The following NRXN1 variants were observed in gnomAD, a reference collection of about 807,000 sequenced individuals.
NRXN1 encodes the protein neurexin 1.
Under a neutral mutation model 150.9 loss-of-function variants are expected in NRXN1, and 39 were observed. The ratio of observed to expected loss-of-function variants is 0.26; its 90% CI spans 0.20 to 0.34. The LOEUF is 0.34. Ranked by LOEUF, NRXN1 falls within the 10% of genes least tolerant of loss-of-function variation. The pLI, the probability that NRXN1 is intolerant of heterozygous loss-of-function variation, is 1.00. For synonymous variants in NRXN1, 924 were observed against 757.0 expected (o/e 1.22, Z -3.62); for missense variants, 1,815 against 1,949.9 (o/e 0.93, Z 1.30).
intron 21 of NRXN1, among the ~76,000 whole-genome samples, chr2:50,044,136 T>A (rs1691444050): frequency 6.6e-6 from 1 of 152,204 alleles, no homozygotes; most frequent in Admixed American, 6.5e-5. Flanking sequence ...CAAACATGAT[T>A]TTAAAGTTCT....
chr2:50,355,628 C>A (rs946839165), intron 17 of NRXN1, among the ~76,000 whole-genome samples: 2 of 152,068 alleles, frequency 1.3e-5, no homozygotes, highest in African/African-American at 2.4e-5. Context: ...CTACTTCCTT[C>A]GTCTCTTAGT....
chr2:49,934,388 G>A lies in NRXN1; in HGVS notation c.4216+9316C>T, dbSNP rs1045317163. On this transcript the variant is annotated intron_variant, in intron 22 of 22. Coordinates refer to ENST00000401669, the MANE Select transcript of NRXN1 (RefSeq NM_001330078.2). ...CACCCACCCCTCCACCAGGGTGCCC[G>A]CACAGCATCTATATAAACCTGAGTC... 9.9e-5 allele frequency among the ~76,000 whole-genome samples: 15 copies of A among 152,158 alleles called. No homozygotes were observed. The East Asian group carries it at 1.7e-3, about 18-fold the overall frequency.
chr2:50,326,195 T>C (rs376808720), intron 17 of NRXN1, among the ~76,000 whole-genome samples: 132 of 152,254 alleles, frequency 8.7e-4, no homozygotes, highest in African/African-American at 2.6e-3. Flanking sequence ...ATTTAACACA[T>C]GGATTAATGT....
intron 17 of NRXN1, among the ~76,000 whole-genome samples, chr2:50,268,754 A>AATC (rs1240453455): frequency 6.6e-6 from 1 of 152,176 alleles, no homozygotes; most frequent in Non-Finnish European, 1.5e-5. Flanking sequence ...CCTCCCAATT[A>AATC]ATCTCCAGAG....
intron 5 of NRXN1, among the ~76,000 whole-genome samples, chr2:50,885,758 C>A (rs1355992785): frequency 6.6e-6 from 1 of 150,608 alleles, no homozygotes; most frequent in African/African-American, 2.4e-5. Flanking sequence ...AAATTAAGAA[C>A]TCTTGGATAA....
intron 17 of NRXN1, among the ~76,000 whole-genome samples, chr2:50,390,522 G>C (rs1375773812): frequency 1.3e-5 from 2 of 152,124 alleles, no homozygotes; most frequent in Non-Finnish European, 2.9e-5. Context: ...ACAAAAGTTG[G>C]TGACAGGAGA....
chr2:50,854,984 G>T (rs1675061959), intron 5 of NRXN1, among the ~76,000 whole-genome samples: 1 of 151,896 alleles, frequency 6.6e-6, no homozygotes, highest in African/African-American at 2.4e-5. Context: ...TGAATTATGT[G>T]CAGGGCCTGA....
intron 21 of NRXN1, among the ~76,000 whole-genome samples, chr2:50,052,921 G>A (rs1227499636): frequency 6.6e-6 from 1 of 152,064 alleles, no homozygotes; most frequent in Non-Finnish European, 1.5e-5. Flanking sequence ...AACAGACAAG[G>A]TTTTCAAATA....
chr2:50,690,642 C>T (rs1039053014), intron 5 of NRXN1, among the ~76,000 whole-genome samples: 3 of 152,168 alleles, frequency 2.0e-5, no homozygotes, highest in Admixed American at 6.5e-5. Flanking sequence ...GCTTTGAGAA[C>T]ATATATTTGT....
At chr2:50,910,588 T>G (rs558746184) in intron 5 of NRXN1, among the ~76,000 whole-genome samples, 1 of 151,944 alleles carries the variant, frequency 6.6e-6, no homozygotes, top group East Asian at 1.9e-4. Flanking sequence ...CTACCCTTAA[T>G]TCAAAACTGA....
intron 18 of NRXN1, among the ~76,000 whole-genome samples, chr2:50,124,624 G>A (rs188358209): frequency 1.3e-5 from 2 of 152,064 alleles, no homozygotes; most frequent in African/African-American, 4.8e-5. Context: ...GCCCTGCTGT[G>A]CTCAGTTCCC....
intron 18 of NRXN1, among the ~76,000 whole-genome samples, chr2:50,205,448 TA>T (rs979869205): frequency 2.8e-4 from 42 of 152,120 alleles, no homozygotes; most frequent in African/African-American, 8.4e-4. Context: ...GTAACTCTAA[TA>T]TTTTCACGGT....
intron 5 of NRXN1, among the ~76,000 whole-genome samples, chr2:50,683,269 G>A (rs1473066256): frequency 2.6e-5 from 4 of 151,886 alleles, no homozygotes; most frequent in African/African-American, 9.7e-5. Context: ...CATGGAAGTG[G>A]CTCCTATATG....
intron 17 of NRXN1, among the ~76,000 whole-genome samples, chr2:50,401,981 C>T (rs2082419506): frequency 6.6e-6 from 1 of 151,994 alleles, no homozygotes; most frequent in African/African-American, 2.4e-5. Context: ...AGAAAAATCC[C>T]AGTAGAGTGA....
At chr2:50,181,506 G>A (rs1162377788) in intron 18 of NRXN1, among the ~76,000 whole-genome samples, 2 of 152,034 alleles carry the variant, frequency 1.3e-5, no homozygotes, top group African/African-American at 2.4e-5. Context: ...CGTTATGAGG[G>A]CAAATCAGTT....
intron 18 of NRXN1, among the ~76,000 whole-genome samples, chr2:50,224,693 A>AAGAAAGAGAG (rs780883706): frequency 7.7e-6 from 1 of 130,450 alleles, no homozygotes; most frequent in African/African-American, 2.9e-5. Flanking sequence ...GAGAGGGAGA[A>AAGAAAGAGAG]AGAGAGAGAG....
intron 17 of NRXN1, among the ~76,000 whole-genome samples, chr2:50,408,973 GA>G (rs1459110160): frequency 6.6e-6 from 1 of 151,750 alleles, no homozygotes; most frequent in African/African-American, 2.4e-5. Context: ...TTGAGAGCAG[GA>G]AAAAAAATTG....
At chr2:50,630,127 T>G (rs2104387948) in intron 5 of NRXN1, among the ~76,000 whole-genome samples, 1 of 151,776 alleles carries the variant, frequency 6.6e-6, no homozygotes, top group South Asian at 2.1e-4. Context: ...ACACTATAAC[T>G]TAGAAGAAAA....
intron 18 of NRXN1, among the ~76,000 whole-genome samples, chr2:50,099,818 A>G (rs966953540): frequency 6.6e-6 from 1 of 152,136 alleles, no homozygotes; most frequent in Non-Finnish European, 1.5e-5. Flanking sequence ...GCATCTATCT[A>G]TGACTTGGAT....
Sources: allele counts gnomAD v4.1 joint callset (sites outside exome capture counted in the v4.1 genomes callset), GRCh38; gene constraint gnomAD v4.1.1; transcripts MANE v1.5; gene names NCBI Gene and HGNC (gene_info 2026-07-23, HGNC 2026-07-21).